OCLN: variants seen among roughly 807,000 people sequenced by gnomAD.
OCLN encodes the protein occludin.
A neutral mutation model predicts 47.9 loss-of-function variants in OCLN; 21 were observed. The ratio of observed to expected loss-of-function variants is 0.44; its 90% CI spans 0.31 to 0.63. The LOEUF is 0.63. Among genes scored for constraint, OCLN ranks in the 30% least tolerant of loss-of-function variants. The pLI, the probability that OCLN is intolerant of heterozygous loss-of-function variation, is 0.08. For synonymous variants in OCLN, 117 were observed against 198.4 expected, an observed-to-expected ratio of 0.59 and a Z score of 3.45; for missense variants, 360 against 571.0, an observed-to-expected ratio of 0.63 and a Z score of 3.77.
chr5:69,531,106 T>C (rs1769419773), intron 4 of OCLN, among the ~76,000 whole-genome samples: 1 of 152,248 alleles, frequency 6.6e-6, no homozygotes, highest in South Asian at 2.1e-4. Context: ...GCCTACAAAA[T>C]GATCTGTCAC....
intron 4 of OCLN, among the ~76,000 whole-genome samples, chr5:69,518,475 A>C (rs960773365): frequency 6.6e-6 from 1 of 152,068 alleles, no homozygotes; most frequent in Non-Finnish European, 1.5e-5. Context: ...AACCACAGAT[A>C]TTTTGCCTTT....
intron 3 of OCLN, among the ~76,000 whole-genome samples, chr5:69,511,868 T>A (rs566234527): frequency 8.4e-4 from 128 of 152,008 alleles, no homozygotes; most frequent in Non-Finnish European, 1.3e-3. Flanking sequence ...CTACTAAAAA[T>A]AGAAAAATTA....
Position 69,518,218 on chromosome 5 carries a change from C to T in OCLN, c.891+4109C>T, listed in dbSNP as rs560924568. On this transcript the variant is annotated intron_variant, in intron 4 of 8. Transcript: ENST00000396442. Reference sequence around the variant, plus strand: ...ATTTTAATAAAATTCCTCCTTGAACCTCTGGAAATTTGATAGCCTGTGGGT... The same window carrying T: ...ATTTTAATAAAATTCCTCCTTGAACTTCTGGAAATTTGATAGCCTGTGGGT... Among the ~76,000 whole-genome samples, 34 of 152,268 alleles carry T rather than the reference C, an allele frequency of 2.2e-4. No individual in the cohort carries two copies. In the South Asian group the frequency reaches 6.8e-3, roughly 31 times the overall value.
intron 1 of OCLN, among the ~76,000 whole-genome samples, chr5:69,502,630 T>C (rs1441275474): frequency 1.3e-5 from 2 of 152,262 alleles, no homozygotes; most frequent in African/African-American, 4.8e-5. Flanking sequence ...AAGAATTTAT[T>C]GTTGGTTCAA....
chr5:69,515,180 G>A (rs1188739491), intron 4 of OCLN, among the ~76,000 whole-genome samples: 17 of 144,516 alleles, frequency 1.2e-4, no homozygotes, highest in Admixed American at 8.8e-4. Flanking sequence ...CCTCCCGGAC[G>A]GGGCGGCTGG....
intron 4 of OCLN, among the ~76,000 whole-genome samples, chr5:69,523,917 G>A (rs1769210238): frequency 6.6e-6 from 1 of 152,160 alleles, no homozygotes; most frequent in African/African-American, 2.4e-5. Context: ...GGGAGACCAA[G>A]GTGCGTAGAT....
intron 4 of OCLN, among the ~76,000 whole-genome samples, chr5:69,526,197 G>T (rs1366364593): frequency 2.6e-5 from 4 of 152,296 alleles, no homozygotes; most frequent in African/African-American, 9.6e-5. Flanking sequence ...CCTGGCTGGG[G>T]CCTAGGTCGG....
Position 69,509,637 on chromosome 5 carries a change from G to T in OCLN, c.547G>T (p.Gly183Cys). 6.2e-7 allele frequency: 1 copy of T among 1,614,126 alleles called. No individual in the cohort carries two copies. Among genetic ancestry groups the T allele is most frequent in the Non-Finnish European group, 8.5e-7 (1 of 1,180,014 alleles). ...TGTGATAATAGTGAGTGCTATCCTG[G>T]GCATCATGGTGTTTATTGCCACAAT... is the stretch of plus-strand genomic sequence containing the variant. The part of the protein sequence containing the change: ...LSVIIVSAIL[G>C]IMVFIATIVY... The change falls in exon 3 of 9, where the codon GGC (glycine) becomes TGC (cysteine). Residue 183 changes from glycine to cysteine, a missense_variant. Physicochemically the swap from Gly to Cys is radical, Grantham distance 159. This residue lies in a region of OCLN where 314 missense variants were observed against 368.1 expected (regional missense o/e 0.85). Transcript: ENST00000396442.
At chr5:69,511,057 T>C (rs926267123) in intron 3 of OCLN, among the ~76,000 whole-genome samples, 2 of 152,128 alleles carry the variant, frequency 1.3e-5, no homozygotes, top group Non-Finnish European at 2.9e-5. Flanking sequence ...TTTGGAGAAA[T>C]GGCTGTTTAG....
intron 4 of OCLN, among the ~76,000 whole-genome samples, chr5:69,517,078 A>G (rs904682536): frequency 8.5e-5 from 13 of 152,074 alleles, no homozygotes; most frequent in African/African-American, 3.1e-4. Context: ...AATAAAAATG[A>G]AAAGATGTTT....
chr5:69,496,291 G>C (rs1478516829), intron 1 of OCLN, among the ~76,000 whole-genome samples: 1 of 151,874 alleles, frequency 6.6e-6, no homozygotes, highest in Non-Finnish European at 1.5e-5. Flanking sequence ...ATAGAGGCGG[G>C]GTTTCACTGT....
chr5:69,511,975 A>G (rs1375111308), intron 3 of OCLN, among the ~76,000 whole-genome samples: 4 of 150,868 alleles, frequency 2.7e-5, no homozygotes, highest in African/African-American at 9.8e-5. Context: ...GTGAGCTGAA[A>G]TTGTGCCACT....
At chr5:69,547,349 A>T (rs1769736853) in intron 6 of OCLN, among the ~76,000 whole-genome samples, 1 of 133,646 alleles carries the variant, frequency 7.5e-6, no homozygotes, top group South Asian at 2.6e-4. Context: ...AGGCAGGTGG[A>T]TCACCTGAGG....
chr5:69,509,103 A>G lies in OCLN; in HGVS notation c.51-38A>G, dbSNP rs748899545. ...TTGTGTTCTTTCTGCTTACTACCAA[A>G]AAATGCTAACTTGAAATTATTTTCA... On this transcript the variant is annotated intron_variant, in intron 2 of 8. Coordinates refer to ENST00000396442, the MANE Select transcript of OCLN (RefSeq NM_001205254.2). 8.9e-6 allele frequency: 14 copies of G among 1,579,774 alleles called. No individual in the cohort carries two copies. The African/African-American group carries it at 1.7e-4, about 20-fold the overall frequency.
chr5:69,515,239 C>G (rs1345661939), intron 4 of OCLN, among the ~76,000 whole-genome samples: 3 of 138,068 alleles, frequency 2.2e-5, no homozygotes, highest in Admixed American at 7.1e-5. Flanking sequence ...CGGGCAGAGG[C>G]GCCCCTAACC....
At chr5:69,498,104 C>T (rs1768351770) in intron 1 of OCLN, among the ~76,000 whole-genome samples, 1 of 151,190 alleles carries the variant, frequency 6.6e-6, no homozygotes, top group South Asian at 2.1e-4. Flanking sequence ...TGCACTCCAG[C>T]CTGGGCGACA....
chr5:69,516,663 A>G (rs1768981060), intron 4 of OCLN, among the ~76,000 whole-genome samples: 1 of 152,214 alleles, frequency 6.6e-6, no homozygotes, highest in African/African-American at 2.4e-5. Flanking sequence ...AATATATACT[A>G]TTAATCTTAC....
intron 2 of OCLN, among the ~76,000 whole-genome samples, chr5:69,508,879 G>A (rs141855434): frequency 2.6e-5 from 4 of 152,222 alleles, no homozygotes; most frequent in Non-Finnish European, 5.9e-5. Context: ...GTACTGTTCC[G>A]TACCAGAATA....
chr5:69,518,647 C>G (rs1265238358), intron 4 of OCLN, among the ~76,000 whole-genome samples: 1 of 152,232 alleles, frequency 6.6e-6, no homozygotes, highest in East Asian at 1.9e-4. Flanking sequence ...GGAATTGTGT[C>G]ATCCTGCATC....
Sources: gnomAD v4.1 joint callset for allele counts (sites outside exome capture counted in the v4.1 genomes callset) on GRCh38, gnomAD v4.1.1 for gene constraint, gnomAD v4.1.1 regional missense constraint, MANE v1.5 for transcripts, NCBI Gene and HGNC (gene_info 2026-07-23, HGNC 2026-07-21) for gene names.